The following DCDC2 variants were observed in gnomAD, a reference collection of about 807,000 sequenced individuals.
The protein encoded by DCDC2 is doublecortin domain-containing protein 2.
DCDC2 carries 40 observed loss-of-function variants against 50.2 expected under a neutral mutation model. The observed-to-expected ratio is 0.80, with a 90% CI of 0.62 to 1.04. The LOEUF (loss-of-function observed/expected upper bound fraction) is 1.04, where lower values mean the gene tolerates loss of function less well. Ranked by LOEUF, DCDC2 falls within the 50% of genes least tolerant of loss-of-function variation. DCDC2 has a pLI of 0.00. For missense variants in DCDC2, 570 were observed against 581.9 expected (o/e 0.98, Z 0.21); for synonymous variants, 234 against 210.6 (o/e 1.11, Z -0.96).
chr6:24,254,135 TC>T (rs1300001273), intron 7 of DCDC2, among the ~76,000 whole-genome samples: 1 of 152,156 alleles, frequency 6.6e-6, no homozygotes. Context: ...AACATCACTG[TC>T]CCAGTGGAAG....
At chr6:24,273,878 C>T (rs1481275577) in intron 7 of DCDC2, among the ~76,000 whole-genome samples, 2 of 152,178 alleles carry the variant, frequency 1.3e-5, no homozygotes, top group African/African-American at 4.8e-5. Context: ...ATTCAGACAT[C>T]CTTCTGCCGG....
chr6:24,334,853 T>G (rs1407583576), intron 2 of DCDC2, among the ~76,000 whole-genome samples: 1 of 152,186 alleles, frequency 6.6e-6, no homozygotes, highest in Admixed American at 6.5e-5. Flanking sequence ...AAACGGGCTT[T>G]CTGGTTTCAG....
At chr6:24,226,174 C>T (rs972542103) in intron 7 of DCDC2, among the ~76,000 whole-genome samples, 4 of 152,094 alleles carry the variant, frequency 2.6e-5, no homozygotes, top group African/African-American at 9.7e-5. Context: ...AAACCTATGC[C>T]TCAAATCTCC....
chr6:24,376,169 C>T, the DCDC2 span, among the ~76,000 whole-genome samples: 2 of 152,184 alleles, frequency 1.3e-5, no homozygotes, highest in Non-Finnish European at 2.9e-5. Context: ...TTGTCAGTTT[C>T]GGTCTCCTTG....
rs555253237 is a variant in DCDC2 at position 24,221,769 on chromosome 6, C to T, written c.923-16667G>A. On this transcript the variant is annotated intron_variant, in intron 7 of 9. Transcript: ENST00000378454. Reference sequence around the variant, plus strand: ...TGAAGTTTAAATAACATGCCTAAGGCGGCATAGGCAGGAAGTGTTTGAGCC... The same window carrying T: ...TGAAGTTTAAATAACATGCCTAAGGTGGCATAGGCAGGAAGTGTTTGAGCC... 8.5e-5 allele frequency among the ~76,000 whole-genome samples: 13 copies of T among 152,314 alleles called. No individual in the cohort carries two copies. The South Asian group carries it at 1.7e-3, about 19-fold the overall frequency.
upstream of DCDC2, among the ~76,000 whole-genome samples, chr6:24,362,267 T>G (rs569287542): frequency 1.2e-4 from 18 of 149,362 alleles, no homozygotes; most frequent in Non-Finnish European, 2.5e-4. Flanking sequence ...CAATTATTTT[T>G]TATTTAATTG....
chr6:24,230,880 C>T (rs1762325189), intron 7 of DCDC2, among the ~76,000 whole-genome samples: 1 of 152,242 alleles, frequency 6.6e-6, no homozygotes, highest in Admixed American at 6.5e-5. Context: ...TCTTCTACCA[C>T]TATCTTCATT....
chr6:24,366,727 G>C, the DCDC2 span, among the ~76,000 whole-genome samples: 1 of 152,144 alleles, frequency 6.6e-6, no homozygotes, highest in Admixed American at 6.5e-5. Context: ...TCTGCCCTTA[G>C]TGCTTTTTAA....
chr6:24,382,284 G>T, the DCDC2 span, among the ~76,000 whole-genome samples: 1 of 151,880 alleles, frequency 6.6e-6, no homozygotes, highest in African/African-American at 2.4e-5. Flanking sequence ...AATGATATCA[G>T]GTGCTAGTTA....
chr6:24,338,645 T>C (rs889149677), intron 2 of DCDC2, among the ~76,000 whole-genome samples: 9 of 152,100 alleles, frequency 5.9e-5, no homozygotes, highest in African/African-American at 2.2e-4. Context: ...TTTTGGTTGG[T>C]TTTATTTATT....
Position 24,244,006 on chromosome 6 carries a change from T to C in DCDC2, c.922+34043A>G, listed in dbSNP as rs542891099. On this transcript the variant is annotated intron_variant, in intron 7 of 9. Coordinates refer to ENST00000378454, the MANE Select transcript of DCDC2 (RefSeq NM_016356.5). The stretch of plus-strand genomic sequence containing the variant: ...TCAGAATTTAAATCTTCAATGCACA[T>C]TAATAAGGTTTATTAAGTAGCATCC... Among the ~76,000 whole-genome samples the C allele has an allele frequency of 2.0e-5, 3 of 152,350 alleles. No individual in the cohort carries two copies. In the South Asian group the frequency reaches 6.2e-4, roughly 32 times the overall value.
intron 7 of DCDC2, among the ~76,000 whole-genome samples, chr6:24,237,651 A>G (rs960050053): frequency 2.0e-5 from 3 of 152,222 alleles, no homozygotes; most frequent in African/African-American, 7.2e-5. Flanking sequence ...TCACAATAGC[A>G]AAGACATGGA....
At chr6:24,184,418 C>CA (rs1172998195) in intron 8 of DCDC2, among the ~76,000 whole-genome samples, 1 of 151,694 alleles carries the variant, frequency 6.6e-6, no homozygotes, top group Non-Finnish European at 1.5e-5. Context: ...TACTAAAATA[C>CA]AAAAAATTAG....
chr6:24,274,521 G>T (rs1027167416), intron 7 of DCDC2, among the ~76,000 whole-genome samples: 5 of 126,228 alleles, frequency 4.0e-5, no homozygotes, highest in African/African-American at 1.5e-4. Context: ...GCTACCAAAA[G>T]AAAATGAGAT....
intron 7 of DCDC2, among the ~76,000 whole-genome samples, chr6:24,260,438 T>C (rs1321046649): frequency 6.6e-6 from 1 of 152,206 alleles, no homozygotes; most frequent in Non-Finnish European, 1.5e-5. Context: ...TTCATTATTA[T>C]AAAAATGCTA....
chr6:24,374,797 G>A, the DCDC2 span, among the ~76,000 whole-genome samples: 5 of 152,206 alleles, frequency 3.3e-5, no homozygotes, highest in African/African-American at 9.7e-5. Context: ...CTCAGGGACA[G>A]TGAGGAGGCC....
chr6:24,189,247 A>T (rs1318933848), intron 8 of DCDC2, among the ~76,000 whole-genome samples: 3 of 152,154 alleles, frequency 2.0e-5, no homozygotes, highest in African/African-American at 7.2e-5. Flanking sequence ...CCTAGCAGGG[A>T]TGGGGCTCAG....
chr6:24,174,749 T>A lies in DCDC2; in HGVS notation c.1412A>T (p.Asp471Val), dbSNP rs943872438. 1 of 1,613,442 alleles carries A rather than the reference T, an allele frequency of 6.2e-7. No homozygotes were observed. Among genetic ancestry groups the A allele is most frequent in the Admixed American group, 1.7e-5 (1 of 60,016 alleles). Residue 471 changes from aspartate to valine, a missense_variant, in exon 10 of 10, where the codon GAC becomes GTC. By Grantham distance (152) the Asp-to-Val change is radical (BLOSUM62 -3). Transcript: ENST00000378454. ...AATGTTCTAAGCCACGGCAGCATAGTCCTTGTTTTGTTGGTTGTTTTCATT... is the reference window on the plus strand; with the variant it reads ...AATGTTCTAAGCCACGGCAGCATAGACCTTGTTTTGTTGGTTGTTTTCATT... ...EENENNQQNK[D>V]YAAVA is the part of the protein sequence containing the mutation.
chr6:24,380,079 T>C, the DCDC2 span, among the ~76,000 whole-genome samples: 2 of 151,736 alleles, frequency 1.3e-5, no homozygotes, highest in Middle Eastern at 6.3e-3. Flanking sequence ...TTAGGAGAAA[T>C]ACCTAATGTA....
Sources: allele counts gnomAD v4.1 joint callset (sites outside exome capture counted in the v4.1 genomes callset), GRCh38; gene constraint gnomAD v4.1.1; transcripts MANE v1.5; gene names NCBI Gene and HGNC (gene_info 2026-07-23, HGNC 2026-07-21).